SYMPK: variants seen among roughly 807,000 people sequenced by gnomAD.
SYMPK encodes symplekin scaffold protein, also known as symplekin.
Under a neutral mutation model 136.4 loss-of-function variants are expected in SYMPK, and 49 were observed. That is an observed-to-expected ratio of 0.36 (90% CI 0.29 to 0.46). SYMPK has a LOEUF of 0.46. Among genes scored for constraint, SYMPK ranks in the 20% least tolerant of loss-of-function variants. SYMPK has a pLI of 1.00. For synonymous variants in SYMPK, 766 were observed against 713.0 expected, an observed-to-expected ratio of 1.07 and a Z score of -1.19; for missense variants, 1,365 against 1,690.0, an observed-to-expected ratio of 0.81 and a Z score of 3.37.
At chr19:45,818,407 G>A (rs566863242) in intron 22 of SYMPK, among the ~76,000 whole-genome samples, 3 of 152,188 alleles carry the variant, frequency 2.0e-5, no homozygotes, top group Non-Finnish European at 4.4e-5. Context: ...CAGGGAACCC[G>A]TGGCCCCTCA....
intron 14 of SYMPK, 131 bp from the exon 15 acceptor site, chr19:45,828,049 A>C: frequency 1.3e-6 from 1 of 745,348 alleles, no homozygotes; most frequent in Non-Finnish European, 2.3e-6. Flanking sequence ...CCCTGCTTAT[A>C]AAGCTTTGGA....
intron 3 of SYMPK, 109 bp downstream of exon 3, chr19:45,854,066 C>T: frequency 1.9e-6 from 2 of 1,071,284 alleles, no homozygotes; most frequent in Admixed American, 3.4e-5. Context: ...GTGGCCGGCA[C>T]ACACTGAGTG....
intron 3 of SYMPK, 91 bp downstream of exon 3, chr19:45,854,084 G>A: frequency 2.5e-6 from 3 of 1,218,614 alleles, no homozygotes; most frequent in Non-Finnish European, 3.6e-6. Flanking sequence ...GTGTGTAAAT[G>A]TGGACACTGG....
At chr19:45,824,164 C>T (rs1970980056) in intron 18 of SYMPK, 2 of 353,194 alleles carry the variant, frequency 5.7e-6, no homozygotes, top group South Asian at 6.6e-5. Context: ...CGAATGCCCA[C>T]CCTGTGCTTC....
At chr19:45,848,482 T>C (rs183641974) in intron 6 of SYMPK, among the ~76,000 whole-genome samples, 88 of 152,342 alleles carry the variant, frequency 5.8e-4, no homozygotes, top group Middle Eastern at 6.8e-3. Context: ...GTCCCCAGCA[T>C]CACCTAGCCC....
chr19:45,830,428 T>C (rs1971140966), intron 12 of SYMPK: 6 of 544,570 alleles, frequency 1.1e-5, no homozygotes, highest in South Asian at 2.2e-5. Context: ...GGAAGGCTTC[T>C]GTGAGTGGGG....
At chr19:45,847,678 G>T in intron 7 of SYMPK, 74 bp downstream of exon 7, 1 of 1,534,590 alleles carries the variant, frequency 6.5e-7, no homozygotes, top group East Asian at 2.3e-5. Flanking sequence ...AGACAAGGGG[G>T]AGAGAGGGAG....
At chr19:45,857,397 G>A (rs1236292486) in intron 1 of SYMPK, among the ~76,000 whole-genome samples, 2 of 101,700 alleles carry the variant, frequency 2.0e-5, no homozygotes, top group East Asian at 3.4e-4. Context: ...GCGACAGAGT[G>A]AGACTCTGTC....
intron 21 of SYMPK, among the ~76,000 whole-genome samples, chr19:45,822,096 T>C (rs866173538): frequency 3.3e-5 from 5 of 150,818 alleles, no homozygotes; most frequent in South Asian, 2.1e-4. Context: ...CTAGTTTTTC[T>C]AAGTTGAAAG....
At chr19:45,819,841 G>C (rs1350707934) in intron 22 of SYMPK, 1 of 152,384 alleles carries the variant, frequency 6.6e-6, no homozygotes, top group African/African-American at 2.4e-5. Context: ...TCGACTTTGT[G>C]ATCTGGAGCT....
At chr19:45,851,799 G>T (rs538464476) in intron 5 of SYMPK, among the ~76,000 whole-genome samples, 1 of 152,082 alleles carries the variant, frequency 6.6e-6, no homozygotes, top group Non-Finnish European at 1.5e-5. Context: ...GCTTGAACCC[G>T]GAAGTCGGAG....
rs573582342 is a variant in SYMPK at position 45,839,061 on chromosome 19, G to C, written c.1088-446C>G. ...GCCACCAGGCCCAGCTAATTTTTTTGTATTTTTAGTAGAGATGGGGTTTCA... is the reference window on the plus strand; with the variant it reads ...GCCACCAGGCCCAGCTAATTTTTTTCTATTTTTAGTAGAGATGGGGTTTCA... On this transcript the variant is annotated intron_variant, in intron 9 of 26. Transcript: ENST00000245934. Among the ~76,000 whole-genome samples the C allele has an allele frequency of 5.9e-5, 9 of 152,138 alleles. 1 individual carries two copies. In the South Asian group the frequency reaches 1.7e-3, roughly 28 times the overall value.
intron 10 of SYMPK, 76 bp downstream of exon 10, chr19:45,838,385 G>A: frequency 4.6e-6 from 7 of 1,513,116 alleles, no homozygotes; most frequent in Non-Finnish European, 6.3e-6. Flanking sequence ...TGGATGGTGT[G>A]AAGTGGAGGC....
At chr19:45,856,009 GA>G (rs1971813893) in intron 1 of SYMPK, among the ~76,000 whole-genome samples, 1 of 151,790 alleles carries the variant, frequency 6.6e-6, no homozygotes. Context: ...GTTAAAAAAG[GA>G]AAAAAATCTG....
chr19:45,823,729 G>C (rs1414197475), intron 19 of SYMPK, 38 bp downstream of exon 19: 1 of 1,569,448 alleles, frequency 6.4e-7, no homozygotes, highest in Non-Finnish European at 8.8e-7. Context: ...CTAAGGAGAG[G>C]GAGGAAAGCC....
chr19:45,816,740 G>T, intron 24 of SYMPK, 58 bp downstream of exon 24: 2 of 1,477,282 alleles, frequency 1.4e-6, no homozygotes, highest in Non-Finnish European at 1.8e-6. Flanking sequence ...GACCCAGGGG[G>T]CCGCCCACCG....
At chr19:45,832,767 T>C (rs777152022) in intron 11 of SYMPK, among the ~76,000 whole-genome samples, 1 of 149,716 alleles carries the variant, frequency 6.7e-6, no homozygotes, top group Non-Finnish European at 1.5e-5. Flanking sequence ...CCCAGCACTT[T>C]AACAGGCCGA....
intron 5 of SYMPK, among the ~76,000 whole-genome samples, chr19:45,849,078 C>T (rs1478098139): frequency 1.3e-5 from 2 of 152,188 alleles, no homozygotes; most frequent in Non-Finnish European, 2.9e-5. Flanking sequence ...GTAACACCAA[C>T]TCCTTTGCTC....
chr19:45,816,880 T>A lies in SYMPK; in HGVS notation c.3176A>T (p.Gln1059Leu). ...CTTGTCAAAGACGGCTCCCAGCTGC[T>A]GGGGCGGCAGCTGCAGGATGACCTG... ...SFQVILQLPPQQLGAVFDKCP... is the reference protein window; with the variant it reads ...SFQVILQLPPLQLGAVFDKCP... The change falls in exon 24 of 27, where the codon CAG becomes CTG. Residue 1059 changes from glutamine (Q) to leucine (L), a missense_variant. Around this residue, in one of 11 missense-constraint regions of SYMPK, gnomAD observed 156 missense variants for 217.8 expected, o/e 0.72. Transcript: ENST00000245934. 6.4e-7 allele frequency: 1 copy of A among 1,550,798 alleles called. No homozygotes were observed. Among genetic ancestry groups the A allele is most frequent in the Non-Finnish European group, 8.7e-7 (1 of 1,147,308 alleles).
Sources: allele counts gnomAD v4.1 joint callset (sites outside exome capture counted in the v4.1 genomes callset), GRCh38; gene constraint gnomAD v4.1.1; regional missense constraint gnomAD v4.1.1; transcripts MANE v1.5; gene names NCBI Gene and HGNC (gene_info 2026-07-23, HGNC 2026-07-21).